FOXP2: variants seen among roughly 807,000 people sequenced by gnomAD.
FOXP2 encodes forkhead box P2.
In FOXP2, 12 loss-of-function variants were observed where a neutral mutation model predicts 115.8. The observed-to-expected ratio is 0.10, with a 90% CI of 0.07 to 0.17. The LOEUF (loss-of-function observed/expected upper bound fraction) is 0.17. FOXP2 is among the 10% of genes least tolerant of loss of function. The pLI, the probability that FOXP2 is intolerant of heterozygous loss-of-function variation, is 1.00. For synonymous variants in FOXP2, 328 were observed against 297.7 expected (o/e 1.10, Z -1.05); for missense variants, 629 against 843.5 (o/e 0.75, Z 3.15).
intron 1 of FOXP2, among the ~76,000 whole-genome samples, chr7:114,114,399 C>G (rs1182915478): frequency 6.6e-6 from 1 of 151,846 alleles, no homozygotes; most frequent in African/African-American, 2.4e-5. Context: ...GGGGCTAGAT[C>G]CTTGACCACG....
chr7:114,278,569 G>C (rs1584602539), intron 1 of FOXP2, among the ~76,000 whole-genome samples: 1 of 152,086 alleles, frequency 6.6e-6, no homozygotes, highest in East Asian at 1.9e-4. Context: ...GGCCAGGCTG[G>C]TCTTGAACTC....
intron 6 of FOXP2, among the ~76,000 whole-genome samples, chr7:114,633,182 A>G (rs1483397287): frequency 2.0e-5 from 3 of 152,152 alleles, no homozygotes; most frequent in Non-Finnish European, 2.9e-5. Flanking sequence ...AAAGTTTAAA[A>G]TATGTGCTAA....
At chr7:114,271,932 ATAT>A (rs1206025569) in intron 1 of FOXP2, among the ~76,000 whole-genome samples, 16 of 127,520 alleles carry the variant, frequency 1.3e-4, no homozygotes, top group Non-Finnish European at 2.2e-4. Flanking sequence ...AATTATTATA[ATAT>A]TAATATATTG....
chr7:114,338,640 T>C (rs1791113242), intron 2 of FOXP2, among the ~76,000 whole-genome samples: 1 of 150,936 alleles, frequency 6.6e-6, no homozygotes, highest in African/African-American at 2.4e-5. Flanking sequence ...TAAGACAAAA[T>C]TATTTATTTG....
chr7:114,522,198 GTGCTAA>G (rs1798659750), intron 2 of FOXP2, among the ~76,000 whole-genome samples: 1 of 152,074 alleles, frequency 6.6e-6, no homozygotes, highest in Non-Finnish European at 1.5e-5. Context: ...TGTGCTTCTT[GTGCTAA>G]TGCAAAATGA....
chr7:114,382,803 G>T (rs1792341005), intron 2 of FOXP2, among the ~76,000 whole-genome samples: 1 of 152,154 alleles, frequency 6.6e-6, no homozygotes, highest in South Asian at 2.1e-4. Flanking sequence ...GTGACAGGGA[G>T]GTGTGCTTCC....
At chr7:114,463,420 C>T (rs929180652) in intron 2 of FOXP2, among the ~76,000 whole-genome samples, 10 of 152,060 alleles carry the variant, frequency 6.6e-5, no homozygotes, top group Non-Finnish European at 8.8e-5. Context: ...ATGAAAGTGG[C>T]CAATGTCACT....
At chr7:114,596,577 TC>T (rs1234417676) in intron 3 of FOXP2, among the ~76,000 whole-genome samples, 1 of 152,130 alleles carries the variant, frequency 6.6e-6, no homozygotes, top group Non-Finnish European at 1.5e-5. Flanking sequence ...AAATACATTC[TC>T]AAGTTATTAT....
At chr7:114,624,235 C>T (rs1804406427) in intron 3 of FOXP2, among the ~76,000 whole-genome samples, 1 of 151,782 alleles carries the variant, frequency 6.6e-6, no homozygotes, top group African/African-American at 2.4e-5. Context: ...GATACTGTAA[C>T]ATAAGAACAA....
At chr7:114,634,529 A>G (rs944761834) in intron 6 of FOXP2, among the ~76,000 whole-genome samples, 1 of 151,982 alleles carries the variant, frequency 6.6e-6, no homozygotes, top group African/African-American at 2.4e-5. Context: ...GTCATCATTA[A>G]TATTACTATA....
chr7:114,210,308 G>A (rs898076916), intron 1 of FOXP2, among the ~76,000 whole-genome samples: 2 of 152,092 alleles, frequency 1.3e-5, no homozygotes, highest in African/African-American at 2.4e-5. Context: ...TTCAAAGATG[G>A]GGTTTTTGAA....
intron 3 of FOXP2, among the ~76,000 whole-genome samples, chr7:114,566,338 C>G (rs1220554925): frequency 2.6e-5 from 4 of 152,192 alleles, no homozygotes; most frequent in African/African-American, 9.6e-5. Flanking sequence ...TGAAATTTGA[C>G]CCCCAGTGTT....
At chr7:114,121,235 CT>C (rs1791556289) in intron 1 of FOXP2, among the ~76,000 whole-genome samples, 1 of 152,044 alleles carries the variant, frequency 6.6e-6, no homozygotes, top group African/African-American at 2.4e-5. Context: ...GTCTTACTCT[CT>C]TTCCACCATG....
intron 2 of FOXP2, among the ~76,000 whole-genome samples, chr7:114,335,780 A>G (rs1021022805): frequency 5.9e-5 from 9 of 151,800 alleles, no homozygotes; most frequent in Non-Finnish European, 1.0e-4. Flanking sequence ...ATTATTTATT[A>G]TGGTAAACAG....
At chr7:114,208,016 C>T (rs953103549) in intron 1 of FOXP2, among the ~76,000 whole-genome samples, 3 of 152,204 alleles carry the variant, frequency 2.0e-5, no homozygotes, top group Non-Finnish European at 4.4e-5. Flanking sequence ...ACTTGGTCAC[C>T]ACCTAGTGGA....
chr7:114,144,790 A>G (rs1276537796), intron 1 of FOXP2, among the ~76,000 whole-genome samples: 1 of 152,088 alleles, frequency 6.6e-6, no homozygotes, highest in Non-Finnish European at 1.5e-5. Flanking sequence ...ACAGGCAGCA[A>G]AATATTAGGT....
intron 2 of FOXP2, among the ~76,000 whole-genome samples, chr7:114,359,400 G>A (rs1222968626): frequency 6.6e-6 from 1 of 152,182 alleles, no homozygotes; most frequent in Non-Finnish European, 1.5e-5. Flanking sequence ...TGGGGTGGGA[G>A]CCCCCACAAA....
rs556862868 is a variant in FOXP2 at position 114,337,173 on chromosome 7, T to C, written c.-11+49064T>C. 2.0e-5 allele frequency among the ~76,000 whole-genome samples: 3 copies of C among 151,594 alleles called. No individual in the cohort carries two copies. In the South Asian group the frequency reaches 6.2e-4, roughly 31 times the overall value. On this transcript the variant is annotated intron_variant, in intron 2 of 17. Coordinates refer to the FOXP2 transcript ENST00000634411. ...TCGAATGTCTTTATATATAATGGTT[T>C]AAAACAGAAGGTGTTCAAGAGAGGG...
chr7:114,275,401 C>T (rs1796163783), intron 1 of FOXP2, among the ~76,000 whole-genome samples: 1 of 152,062 alleles, frequency 6.6e-6, no homozygotes, highest in Non-Finnish European at 1.5e-5. Flanking sequence ...CTGAGATATC[C>T]TCAAGTGCAG....
Sources: gnomAD v4.1 joint callset for allele counts (sites outside exome capture counted in the v4.1 genomes callset) on GRCh38, gnomAD v4.1.1 for gene constraint, MANE v1.5 for transcripts, NCBI Gene and HGNC (gene_info 2026-07-23, HGNC 2026-07-21) for gene names.